SHISA9: variants seen among roughly 807,000 people sequenced by gnomAD.
SHISA9 encodes the protein shisa family member 9.
Under a neutral mutation model 38.0 loss-of-function variants are expected in SHISA9, and 13 were observed. That is an observed-to-expected ratio of 0.34 (90% CI 0.22 to 0.54). The LOEUF is 0.54. Ranked by LOEUF, SHISA9 falls within the 20% of genes least tolerant of loss-of-function variation. The probability of loss-of-function intolerance (pLI) is 0.91; values close to 1 mark genes in which losing one functional copy is unlikely to be tolerated. For missense variants in SHISA9, 538 were observed against 575.8 expected (o/e 0.93, Z 0.67); for synonymous variants, 275 against 242.0 (o/e 1.14, Z -1.27).
the SHISA9 span, among the ~76,000 whole-genome samples, chr16:13,530,589 A>AT: frequency 6.6e-6 from 1 of 152,002 alleles, no homozygotes; most frequent in Non-Finnish European, 1.5e-5. Context: ...AGAGCTAATC[A>AT]TTTTTTTGTG....
At chr16:13,456,846 G>C in the SHISA9 span, among the ~76,000 whole-genome samples, 2 of 152,200 alleles carry the variant, frequency 1.3e-5, no homozygotes, top group African/African-American at 2.4e-5. Context: ...GATACTCCAT[G>C]CTTATCATCA....
intron 2 of SHISA9, among the ~76,000 whole-genome samples, chr16:13,126,408 C>G (rs574288323): frequency 6.6e-6 from 1 of 150,656 alleles, no homozygotes; most frequent in Non-Finnish European, 1.5e-5. Flanking sequence ...TTAATCAGTG[C>G]AGAGAGAGGA....
Position 12,904,329 on chromosome 16 carries a change from C to A in SHISA9, c.563+1702C>A, listed in dbSNP as rs571490344. ...AAATCTCCATCAAGCCCTGCCCTCG[C>A]GAACCAGCTCTTAAAAGAGTCCTCC... On this transcript the variant is annotated intron_variant, in intron 1 of 4. Transcript: ENST00000558583. 3.3e-5 allele frequency among the ~76,000 whole-genome samples: 5 copies of A among 152,296 alleles called. 1 individual carries two copies. The South Asian group carries it at 8.3e-4, about 25-fold the overall frequency.
chr16:13,131,530 G>T (rs977934283), intron 2 of SHISA9, among the ~76,000 whole-genome samples: 1 of 152,134 alleles, frequency 6.6e-6, no homozygotes, highest in African/African-American at 2.4e-5. Context: ...TTAATACCAA[G>T]GTGATGGGTT....
the SHISA9 span, among the ~76,000 whole-genome samples, chr16:13,330,987 ATCTCAGAGC>A: frequency 6.6e-6 from 1 of 152,218 alleles, no homozygotes; most frequent in African/African-American, 2.4e-5. Flanking sequence ...CGCCCAGCCT[ATCTCAGAGC>A]TTAGCTAAGT....
intron 4 of SHISA9, among the ~76,000 whole-genome samples, chr16:13,230,986 C>T (rs1196353988): frequency 1.3e-5 from 2 of 152,126 alleles, no homozygotes; most frequent in Non-Finnish European, 2.9e-5. Context: ...TTTACTGCAA[C>T]CTGTTTTTTC....
chr16:12,976,757 T>C (rs2072167706), intron 2 of SHISA9, among the ~76,000 whole-genome samples: 1 of 151,990 alleles, frequency 6.6e-6, no homozygotes, highest in South Asian at 2.1e-4. Flanking sequence ...CAGCAAAACA[T>C]CATGGTTGAG....
the SHISA9 span, among the ~76,000 whole-genome samples, chr16:13,261,515 C>G: frequency 5.9e-5 from 9 of 152,154 alleles, no homozygotes; most frequent in Admixed American, 3.3e-4. Context: ...TTCCACAGCA[C>G]CCCCACCAGC....
the SHISA9 span, among the ~76,000 whole-genome samples, chr16:13,407,070 CAAAAAAAAAAAAAAAA>C: frequency 4.4e-5 from 2 of 45,618 alleles, no homozygotes; most frequent in African/African-American, 1.8e-4. Context: ...CTCTGTCTCA[CAAAAAAAAAAAAAAAA>C]AAAAAAAAAA....
the SHISA9 span, among the ~76,000 whole-genome samples, chr16:13,315,639 A>T: frequency 2.6e-5 from 4 of 152,214 alleles, no homozygotes; most frequent in Admixed American, 6.5e-5. Flanking sequence ...GTAAAATGGG[A>T]TGTTAATAGG....
chr16:13,276,809 G>C, the SHISA9 span, among the ~76,000 whole-genome samples: 1 of 151,962 alleles, frequency 6.6e-6, no homozygotes, highest in African/African-American at 2.4e-5. Context: ...TGTAGATTCC[G>C]GATATTAGTT....
chr16:13,028,055 G>A (rs913510404), intron 2 of SHISA9, among the ~76,000 whole-genome samples: 3 of 151,922 alleles, frequency 2.0e-5, no homozygotes, highest in African/African-American at 7.3e-5. Context: ...TGGGGCTGGG[G>A]TGGGGGTAAT....
chr16:13,163,582 G>T (rs768556137), intron 2 of SHISA9, among the ~76,000 whole-genome samples: 1 of 152,076 alleles, frequency 6.6e-6, no homozygotes, highest in African/African-American at 2.4e-5. Flanking sequence ...ATTTGGGAAA[G>T]AAATGATAGC....
the SHISA9 span, among the ~76,000 whole-genome samples, chr16:13,349,721 C>T: frequency 6.6e-6 from 1 of 152,146 alleles, no homozygotes; most frequent in Non-Finnish European, 1.5e-5. Context: ...GCTATTAAAT[C>T]AGTGATGTGT....
rs184683476 is a variant in SHISA9 at position 13,047,691 on chromosome 16, C to T, written c.691+130876C>T. 3.6e-3 allele frequency among the ~76,000 whole-genome samples: 554 copies of T among 152,248 alleles called. 3 individuals carry two copies. Among genetic ancestry groups the T allele is most frequent in the Admixed American group, 5.8e-3 (89 of 15,284 alleles). ...AGAAGAAATAAACATCTATCAAGTA[C>T]CTCCCGTGTGCCAGGATCTGTGCAA... On this transcript the variant is annotated intron_variant, in intron 2 of 4. Transcript: ENST00000558583.
chr16:12,920,387 C>T (rs913411120), intron 2 of SHISA9, among the ~76,000 whole-genome samples: 3 of 152,040 alleles, frequency 2.0e-5, no homozygotes, highest in African/African-American at 7.2e-5. Context: ...AGAAAGGTTG[C>T]AAAGATAGTA....
At chr16:12,907,342 T>C (rs2071115683) in intron 1 of SHISA9, among the ~76,000 whole-genome samples, 1 of 147,798 alleles carries the variant, frequency 6.8e-6, no homozygotes, top group Non-Finnish European at 1.5e-5. Flanking sequence ...CTTTCCTTCC[T>C]TCCCCTCCCC....
chr16:13,068,186 AAAC>A (rs1277782902), intron 2 of SHISA9, among the ~76,000 whole-genome samples: 1 of 152,074 alleles, frequency 6.6e-6, no homozygotes, highest in East Asian at 1.9e-4. Flanking sequence ...GGGTGTTCTT[AAAC>A]AACACTCTTA....
intron 2 of SHISA9, among the ~76,000 whole-genome samples, chr16:13,153,787 T>C (rs2050519602): frequency 6.6e-6 from 1 of 152,204 alleles, no homozygotes; most frequent in Non-Finnish European, 1.5e-5. Flanking sequence ...CCAGAGATTA[T>C]GGTACTTTTT....
Sources: gnomAD v4.1 joint callset for allele counts (sites outside exome capture counted in the v4.1 genomes callset) on GRCh38, gnomAD v4.1.1 for gene constraint, MANE v1.5 for transcripts, NCBI Gene and HGNC (gene_info 2026-07-23, HGNC 2026-07-21) for gene names.